The following NRDC variants were observed in gnomAD, a reference collection of about 807,000 sequenced individuals.
The protein encoded by NRDC is nardilysin.
A neutral mutation model predicts 147.1 loss-of-function variants in NRDC; 54 were observed. The observed-to-expected ratio is 0.37, with a 90% CI of 0.29 to 0.46. The LOEUF (loss-of-function observed/expected upper bound fraction) is 0.46, where lower values mean the gene tolerates loss of function less well. Ranked by LOEUF, NRDC falls within the 20% of genes least tolerant of loss-of-function variation. The pLI is 1.00. For missense variants in NRDC, 1,082 were observed against 1,370.6 expected, an observed-to-expected ratio of 0.79 and a Z score of 3.33; for synonymous variants, 440 against 482.1, an observed-to-expected ratio of 0.91 and a Z score of 1.14.
chr1:51,793,710 G>A (rs542285626), intron 24 of NRDC, among the ~76,000 whole-genome samples: 1 of 152,210 alleles, frequency 6.6e-6, no homozygotes, highest in Admixed American at 6.5e-5. Context: ...CACAAGACCT[G>A]ACAAAGAAGT....
intron 1 of NRDC, among the ~76,000 whole-genome samples, chr1:51,845,031 CCAT>C (rs1681484405): frequency 2.0e-5 from 3 of 152,106 alleles, no homozygotes; most frequent in Non-Finnish European, 4.4e-5. Flanking sequence ...CATTGGCTTC[CCAT>C]CATACTTAAA....
intron 29 of NRDC, 124 bp from the exon 30 acceptor site, chr1:51,789,781 T>G: frequency 2.9e-6 from 2 of 689,206 alleles, no homozygotes; most frequent in Non-Finnish European, 5.1e-6. Flanking sequence ...CTTCCTATTC[T>G]CAGGTTACCC....
intron 1 of NRDC, among the ~76,000 whole-genome samples, chr1:51,855,223 T>TA (rs1682174091): frequency 6.6e-6 from 1 of 152,142 alleles, no homozygotes; most frequent in African/African-American, 2.4e-5. Flanking sequence ...TAAAAACCCT[T>TA]ACCTGCAAAT....
At chr1:51,829,533 G>A (rs1680608918) in intron 4 of NRDC, among the ~76,000 whole-genome samples, 1 of 151,916 alleles carries the variant, frequency 6.6e-6, no homozygotes, top group African/African-American at 2.4e-5. Context: ...TATCCTTTTG[G>A]AAGTTATTAG....
chr1:51,831,918 A>C (rs1332202455), intron 4 of NRDC, among the ~76,000 whole-genome samples: 1 of 151,962 alleles, frequency 6.6e-6, no homozygotes, highest in Non-Finnish European at 1.5e-5. Flanking sequence ...ACAGAGTGAG[A>C]CTGTCTCCAA....
chr1:51,833,582 A>T (rs1680814632), intron 4 of NRDC, among the ~76,000 whole-genome samples: 1 of 152,150 alleles, frequency 6.6e-6, no homozygotes. Flanking sequence ...AGTGTATTTA[A>T]CAGTTTAACA....
intron 18 of NRDC, 87 bp downstream of exon 18, chr1:51,806,707 T>G: frequency 7.2e-7 from 1 of 1,383,192 alleles, no homozygotes; most frequent in Non-Finnish European, 1.0e-6. Context: ...AAGATCAAAA[T>G]AGCAAGTAGA....
chr1:51,806,675 G>T, intron 18 of NRDC, 119 bp downstream of exon 18: 1 of 1,055,026 alleles, frequency 9.5e-7, no homozygotes, highest in Non-Finnish European at 1.4e-6. Context: ...GAGGCACCCA[G>T]CCCCAGCCTC....
At chr1:51,868,122 G>A (rs1682907052) in intron 1 of NRDC, among the ~76,000 whole-genome samples, 1 of 152,120 alleles carries the variant, frequency 6.6e-6, no homozygotes, top group Non-Finnish European at 1.5e-5. Context: ...ATTACTAACA[G>A]AAGAGAAGGT....
At chr1:51,818,170 A>G in intron 9 of NRDC, 35 bp from the exon 10 acceptor site, 1 of 1,415,442 alleles carries the variant, frequency 7.1e-7, no homozygotes. Context: ...AACAGATGTA[A>G]GTGTTTCTCT....
chr1:51,802,372 T>A (rs952809760), intron 20 of NRDC, among the ~76,000 whole-genome samples: 6 of 152,142 alleles, frequency 3.9e-5, no homozygotes, highest in Admixed American at 2.6e-4. Context: ...CATACATACA[T>A]ATATATATGT....
chr1:51,823,799 GA>G lies in NRDC; in HGVS notation c.1037-14del. 1.9e-6 allele frequency: 3 copies of G among 1,564,448 alleles called. No individual in the cohort carries two copies. The highest frequency in any genetic ancestry group is 2.6e-6 in the Non-Finnish European group (3 of 1,154,012). On this transcript the variant is annotated splice_polypyrimidine_tract_variant and intron_variant, in intron 6 of 30. Transcript: ENST00000352171. ...GTCTCAGCATTTCCTATAAAAGAAT[GA>G]AAAAAATTATAGATATAACTAAGTT...
intron 1 of NRDC, among the ~76,000 whole-genome samples, chr1:51,848,201 C>T (rs967391597): frequency 3.9e-5 from 6 of 152,032 alleles, no homozygotes; most frequent in Admixed American, 6.6e-5. Context: ...TACGGTGGGG[C>T]GCGGTGGCCC....
intron 4 of NRDC, among the ~76,000 whole-genome samples, chr1:51,830,664 G>T (rs1471390991): frequency 1.3e-5 from 2 of 152,158 alleles, no homozygotes; most frequent in Admixed American, 6.5e-5. Flanking sequence ...CTTATAATGG[G>T]GAGGGTCTCC....
At chr1:51,866,307 T>C (rs1317635327) in intron 1 of NRDC, among the ~76,000 whole-genome samples, 2 of 152,294 alleles carry the variant, frequency 1.3e-5, no homozygotes, top group African/African-American at 4.8e-5. Context: ...TCATGTTCTA[T>C]TGGTGTCAAT....
chr1:51,813,182 A>C (rs1679809051), intron 14 of NRDC, among the ~76,000 whole-genome samples: 1 of 152,148 alleles, frequency 6.6e-6, no homozygotes, highest in African/African-American at 2.4e-5. Context: ...TATATTAATA[A>C]AAATATTATT....
In NRDC at chr1:51,836,123, A is replaced by T; in HGVS notation, c.712+8T>A. 6.2e-7 allele frequency: 1 copy of T among 1,612,708 alleles called. No homozygotes were observed. The highest frequency in any genetic ancestry group is 1.3e-5 in the African/African-American group (1 of 74,996). On this transcript the variant is annotated splice_region_variant and intron_variant, in intron 3 of 30. Coordinates refer to ENST00000352171, the MANE Select transcript of NRDC (RefSeq NM_001101662.2). ...ACACACCAGGAATGATATTTTACAAATTCTTACTGTGCTCCAAAAAGTGTG... is the reference window on the plus strand; with the variant it reads ...ACACACCAGGAATGATATTTTACAATTTCTTACTGTGCTCCAAAAAGTGTG...
Position 51,798,349 on chromosome 1 carries a change from A to G in NRDC, c.2504T>C (p.Leu835Ser). 2 of 1,614,160 alleles carry G rather than the reference A, an allele frequency of 1.2e-6. No individual in the cohort carries two copies. The highest frequency in any genetic ancestry group is 8.5e-7 in the Non-Finnish European group (1 of 1,179,984). Residue 835 changes from leucine to serine, a missense_variant, in exon 22 of 31, where the codon TTG (leucine) becomes TCG (serine). By Grantham distance (145) the Leu-to-Ser change is moderately radical (BLOSUM62 -2). Around this residue, in one of 3 missense-constraint regions of NRDC, gnomAD observed 635 missense variants for 923.8 expected, o/e 0.69. Coordinates refer to ENST00000352171, the MANE Select transcript of NRDC (RefSeq NM_001101662.2). Reference protein sequence around the residue: ...RWSMIDKYQALMDGLSLESLL... With the variant: ...RWSMIDKYQASMDGLSLESLL... ...AGACTCAAGGGAAAGGCCGTCCATC[A>G]AAGCCTGGTACTTGTCAATCATAGA...
intron 1 of NRDC, among the ~76,000 whole-genome samples, chr1:51,853,156 G>A (rs999997842): frequency 2.0e-5 from 3 of 151,726 alleles, no homozygotes; most frequent in Admixed American, 6.6e-5. Flanking sequence ...CCTGGGAGGC[G>A]GAGGTTGCAG....
Sources: allele counts gnomAD v4.1 joint callset (sites outside exome capture counted in the v4.1 genomes callset), GRCh38; gene constraint gnomAD v4.1.1; regional missense constraint gnomAD v4.1.1; transcripts MANE v1.5; gene names NCBI Gene and HGNC (gene_info 2026-07-23, HGNC 2026-07-21).